CHRNB3: variants seen among roughly 807,000 people sequenced by gnomAD.
CHRNB3 encodes cholinergic receptor nicotinic beta 3 subunit, also known as neuronal acetylcholine receptor subunit beta-3.
In CHRNB3, 37 loss-of-function variants were observed where a neutral mutation model predicts 40.6. The ratio of observed to expected loss-of-function variants is 0.91; its 90% CI spans 0.70 to 1.20. The LOEUF (loss-of-function observed/expected upper bound fraction) is 1.20. CHRNB3 is among the 50% of genes most tolerant of loss of function. The pLI is 0.00. For synonymous variants in CHRNB3, 207 were observed against 207.1 expected (o/e 1.00, Z 0.00); for missense variants, 505 against 551.2 (o/e 0.92, Z 0.84).
At chr8:42,724,150 A>C (rs1181325294) in intron 3 of CHRNB3, among the ~76,000 whole-genome samples, 1 of 152,108 alleles carries the variant, frequency 6.6e-6, no homozygotes, top group East Asian at 1.9e-4. Flanking sequence ...TAATCCCAGC[A>C]CATTGGGAGG....
chr8:42,718,051 G>GA (rs146450200), intron 3 of CHRNB3, among the ~76,000 whole-genome samples: 8,655 of 151,850 alleles, frequency 0.057, 328 homozygotes, highest in Middle Eastern at 0.11. Context: ...GGCTGGTCTG[G>GA]AACTCCTGAC....
Position 42,732,192 on chromosome 8 carries a change from C to A in CHRNB3, c.885C>A (p.Leu295=). ...CATCGTCTTCCAAAGTCATTCCTCT[C>A]ATTGGAGAGTACCTGCTGTTCATCA... is the stretch of plus-strand genomic sequence containing the variant. ...IIPSSSKVIP[L]IGEYLLFIMI... Residue 295 remains leucine, a synonymous_variant, in exon 5 of 6, where the codon CTC becomes CTA. Transcript: ENST00000289957. The A allele has an allele frequency of 6.2e-7, 1 of 1,609,436 alleles. No homozygotes were observed. The highest frequency in any genetic ancestry group is 8.5e-7 in the Non-Finnish European group (1 of 1,178,418).
chr8:42,728,361 C>T (rs1816344937), intron 3 of CHRNB3, among the ~76,000 whole-genome samples: 2 of 151,950 alleles, frequency 1.3e-5, no homozygotes. Flanking sequence ...TTCATTTCTA[C>T]AAAGCAAAAC....
intron 2 of CHRNB3, among the ~76,000 whole-genome samples, chr8:42,709,852 G>A (rs573048906): frequency 2.0e-4 from 30 of 152,146 alleles, no homozygotes; most frequent in African/African-American, 4.8e-4. Flanking sequence ...GGCTGGTCTC[G>A]AACTCCTGAC....
At chr8:42,720,099 C>CTCAG (rs1159829912) in intron 3 of CHRNB3, among the ~76,000 whole-genome samples, 1 of 149,080 alleles carries the variant, frequency 6.7e-6, no homozygotes, top group Non-Finnish European at 1.5e-5. Context: ...CCCTGCCCCA[C>CTCAG]TCAGAAGCCT....
At chr8:42,716,504 A>G (rs1816109075) in intron 3 of CHRNB3, among the ~76,000 whole-genome samples, 1 of 152,110 alleles carries the variant, frequency 6.6e-6, no homozygotes, top group South Asian at 2.1e-4. Flanking sequence ...ACTGCTCCCT[A>G]CAGACCATGG....
At chr8:42,716,500 C>A (rs1443333725) in intron 3 of CHRNB3, among the ~76,000 whole-genome samples, 1 of 152,076 alleles carries the variant, frequency 6.6e-6, no homozygotes, top group Non-Finnish European at 1.5e-5. Context: ...AGATACTGCT[C>A]CCTACAGACC....
intron 1 of CHRNB3, among the ~76,000 whole-genome samples, chr8:42,700,226 A>G (rs1815764775): frequency 6.6e-6 from 1 of 152,138 alleles, no homozygotes; most frequent in Non-Finnish European, 1.5e-5. Context: ...CGTGTTAGCC[A>G]GGATGGTCTC....
intron 3 of CHRNB3, among the ~76,000 whole-genome samples, chr8:42,719,987 C>T (rs78335892): frequency 0.025 from 3,806 of 152,100 alleles, 171 homozygotes; most frequent in African/African-American, 0.087. Context: ...AAATCCTCCT[C>T]AAGGATCTGA....
Position 42,731,729 on chromosome 8 carries a change from T to C in CHRNB3, c.422T>C (p.Val141Ala), listed in dbSNP as rs144291358. 27 of 1,613,940 alleles carry C rather than the reference T, an allele frequency of 1.7e-5. No homozygotes were observed. In the African/African-American group the frequency reaches 1.7e-4, roughly 10 times the overall value. Reference protein sequence around the residue: ...TKVIVKSNGTVVWTPPASYKS... With the variant: ...TKVIVKSNGTAVWTPPASYKS... ...GTCATCGTGAAATCAAACGGAACTG[T>C]TGTCTGGACCCCTCCCGCCAGCTAC... The change falls in exon 5 of 6, where the codon GTT (valine) becomes GCT (alanine). Residue 141 changes from valine to alanine, a missense_variant. Coordinates refer to ENST00000289957, the MANE Select transcript of CHRNB3 (RefSeq NM_000749.5).
rs1269426094 is a variant in CHRNB3 at position 42,718,455 on chromosome 8, C to CCT, written c.249+8021_249+8022insCT. ...TTGGGAGGCTGAGGCAGGCAGATCA[C>CCT]GAGGTCAGGAGATTGAGACCATCCT... On this transcript the variant is annotated intron_variant, in intron 3 of 5. Transcript: ENST00000289957. Among the ~76,000 whole-genome samples the CCT allele has an allele frequency of 5.3e-4, 80 of 151,920 alleles. 1 individual carries two copies. The highest frequency in any genetic ancestry group is 1.7e-3 in the African/African-American group (70 of 41,346).
intron 3 of CHRNB3, among the ~76,000 whole-genome samples, chr8:42,728,205 A>T (rs567000584): frequency 8.5e-5 from 13 of 152,340 alleles, no homozygotes; most frequent in African/African-American, 3.1e-4. Flanking sequence ...GATATTCATG[A>T]TTAGTCATTA....
chr8:42,721,714 C>T (rs1816220514), intron 3 of CHRNB3: 1 of 142,854 alleles, frequency 7.0e-6, no homozygotes, highest in Admixed American at 7.6e-5. Context: ...AAGAGCGAGA[C>T]TCTGTCTCAA....
intron 3 of CHRNB3, chr8:42,721,825 C>T (rs942772345): frequency 6.6e-6 from 1 of 152,176 alleles, no homozygotes; most frequent in African/African-American, 2.4e-5. Flanking sequence ...GTCTCAGAAG[C>T]CCTGTGGTGT....
rs144775828 is a variant in CHRNB3 at position 42,700,169 on chromosome 8, A to G, written c.52+2571A>G. On this transcript the variant is annotated intron_variant, in intron 1 of 5. Transcript: ENST00000289957. ...GCTGGGACTACAGGTGCCCACCACC[A>G]CGCCCAGCTAATATTTTTTGTATTT... is the stretch of plus-strand genomic sequence containing the variant. Among the ~76,000 whole-genome samples the G allele has an allele frequency of 5.6e-4, 85 of 152,046 alleles. 1 individual carries two copies. The highest frequency in any genetic ancestry group is 1.9e-3 in the African/African-American group (79 of 41,450).
chr8:42,703,365 C>T lies in CHRNB3; in HGVS notation c.53-5352C>T, dbSNP rs200576983. Among the ~76,000 whole-genome samples, 8 of 147,398 alleles carry T rather than the reference C, an allele frequency of 5.4e-5. No homozygotes were observed. In the East Asian group the frequency reaches 8.1e-4, roughly 15 times the overall value. ...CTTGAACCCAGGAGGCAGAGGTTGC[C>T]GTGAGCCAAGATCATGCCACTGCCC... On this transcript the variant is annotated intron_variant, in intron 1 of 5. Transcript: ENST00000289957.
chr8:42,722,545 C>T (rs868570256), intron 3 of CHRNB3, among the ~76,000 whole-genome samples: 11 of 151,948 alleles, frequency 7.2e-5, no homozygotes, highest in African/African-American at 2.7e-4. Flanking sequence ...GTATAATTCC[C>T]CCGACTTTTA....
intron 3 of CHRNB3, among the ~76,000 whole-genome samples, chr8:42,728,431 G>A (rs953607387): frequency 6.6e-6 from 1 of 151,954 alleles, no homozygotes; most frequent in Non-Finnish European, 1.5e-5. Context: ...CCTGAGGCAG[G>A]AGCAGAAGGA....
Position 42,730,707 on chromosome 8 carries a change from A to G in CHRNB3, c.359+4A>G. The G allele has an allele frequency of 1.9e-6, 3 of 1,545,310 alleles. No homozygotes were observed. Among genetic ancestry groups the G allele is most frequent in the Non-Finnish European group, 2.7e-6 (3 of 1,128,642 alleles). On this transcript the variant is annotated splice_donor_region_variant and intron_variant, in intron 4 of 5. Coordinates refer to ENST00000289957, the MANE Select transcript of CHRNB3 (RefSeq NM_000749.5). ...CTGACATAGTTCTCTTTGAAAAGTAAGTATCACATTGTTTCTTACTTATGG... is the reference window on the plus strand; with the variant it reads ...CTGACATAGTTCTCTTTGAAAAGTAGGTATCACATTGTTTCTTACTTATGG...
Sources: gnomAD v4.1 joint callset for allele counts (sites outside exome capture counted in the v4.1 genomes callset) on GRCh38, gnomAD v4.1.1 for gene constraint, MANE v1.5 for transcripts, NCBI Gene and HGNC (gene_info 2026-07-23, HGNC 2026-07-21) for gene names.